The following ZNF277 variants were observed in gnomAD, a reference collection of about 807,000 sequenced individuals.
The protein encoded by ZNF277 is nuclear receptor-interacting factor 4.
Under a neutral mutation model 60.7 loss-of-function variants are expected in ZNF277, and 55 were observed. The observed-to-expected ratio is 0.91, with a 90% CI of 0.73 to 1.13. The LOEUF is 1.13. Ranked by LOEUF, ZNF277 falls within the 50% of genes most tolerant of loss-of-function variation. The pLI is 0.00. For synonymous variants in ZNF277, 178 were observed against 179.3 expected (o/e 0.99, Z 0.06); for missense variants, 510 against 523.0 (o/e 0.98, Z 0.24).
intron 7 of ZNF277, chr7:112,330,434 T>C: frequency 1.8e-6 from 1 of 547,954 alleles, no homozygotes. Flanking sequence ...AAATGTCATG[T>C]CTCTAGAACT....
At chr7:112,240,786 G>A (rs1375130445) in intron 1 of ZNF277, among the ~76,000 whole-genome samples, 11 of 152,054 alleles carry the variant, frequency 7.2e-5, no homozygotes, top group Non-Finnish European at 1.5e-4. Flanking sequence ...ATGATTCTGG[G>A]AAAACGATAT....
chr7:112,306,209 G>C lies in ZNF277; in HGVS notation c.465+9898G>C, dbSNP rs956542081. On this transcript the variant is annotated intron_variant, in intron 4 of 11. Coordinates refer to ENST00000361822, the MANE Select transcript of ZNF277 (RefSeq NM_021994.3). The stretch of plus-strand genomic sequence containing the variant: ...TTTCTCTCCTCTGAGATTTCTGAAT[G>C]TTCTTTTTTTTTTTTTTTTTTTTGA... 1.7e-3 allele frequency among the ~76,000 whole-genome samples: 228 copies of C among 132,886 alleles called. 2 individuals are homozygous for C. Among genetic ancestry groups the C allele is most frequent in the Non-Finnish European group, 2.9e-3 (182 of 63,224 alleles). The allele number at this position is 132,886 out of a possible 152,430, so 87.2% of individuals were successfully genotyped here. A position where few individuals can be genotyped will look rare whatever the true frequency, so the allele number is the denominator to read the frequency against.
intron 1 of ZNF277, among the ~76,000 whole-genome samples, chr7:112,248,607 C>T (rs985621181): frequency 1.3e-5 from 2 of 151,584 alleles, no homozygotes; most frequent in African/African-American, 4.8e-5. Flanking sequence ...AAGAGATAAT[C>T]ACTGTTAATC....
At chr7:112,211,180 G>T (rs1282437952) in intron 1 of ZNF277, among the ~76,000 whole-genome samples, 3 of 152,178 alleles carry the variant, frequency 2.0e-5, no homozygotes, top group African/African-American at 7.2e-5. Context: ...AAGAAAGAGG[G>T]AAGGGTAGCA....
chr7:112,265,509 A>G (rs1460884180), intron 1 of ZNF277, among the ~76,000 whole-genome samples: 2 of 152,214 alleles, frequency 1.3e-5, no homozygotes, highest in Non-Finnish European at 2.9e-5. Context: ...ATATAATAAT[A>G]CGAAAAACTT....
Position 112,337,821 on chromosome 7 carries a change from A to G in ZNF277, c.961A>G (p.Met321Val), listed in dbSNP as rs769111437. 1 of 1,610,026 alleles carries G rather than the reference A, an allele frequency of 6.2e-7. No individual in the cohort carries two copies. Among genetic ancestry groups the G allele is most frequent in the Non-Finnish European group, 8.5e-7 (1 of 1,178,520 alleles). The change falls in exon 9 of 12, where the codon ATG becomes GTG. Residue 321 changes from methionine (M) to valine (V), a missense_variant. Coordinates refer to ENST00000361822, the MANE Select transcript of ZNF277 (RefSeq NM_021994.3). ...AACAATTGAGAAGTTGTATGTCCAC[A>G]TGGAGGTAAGATACCTGTATTTATT... ...AETIEKLYVHMEDAHEFDLLK... is the reference protein window; with the variant it reads ...AETIEKLYVHVEDAHEFDLLK...
chr7:112,315,342 C>G (rs1388674609), intron 4 of ZNF277, among the ~76,000 whole-genome samples: 1 of 151,948 alleles, frequency 6.6e-6, no homozygotes, highest in Admixed American at 6.6e-5. Context: ...AACGGAAGGT[C>G]TAAACAGAGG....
In ZNF277 at chr7:112,254,928, G is replaced by A. The variant is rs187117699; in HGVS notation, c.92-31945G>A. Among the ~76,000 whole-genome samples, 48 of 152,218 alleles carry A rather than the reference G, an allele frequency of 3.2e-4. No individual in the cohort carries two copies. In the South Asian group the frequency reaches 5.0e-3, roughly 16 times the overall value. On this transcript the variant is annotated intron_variant, in intron 1 of 11. Transcript: ENST00000361822. ...TTCAAGGCTTCAGTGAGCTGAGATC[G>A]CGCCACTGTACTCCAGCCTGGGTGA...
At chr7:112,301,314 T>G (rs547335342) in intron 4 of ZNF277, among the ~76,000 whole-genome samples, 1 of 152,130 alleles carries the variant, frequency 6.6e-6, no homozygotes, top group Non-Finnish European at 1.5e-5. Flanking sequence ...TATTCTCTTC[T>G]TCAAAAACCT....
chr7:112,268,608 T>G (rs1209038412), intron 1 of ZNF277, among the ~76,000 whole-genome samples: 3 of 142,860 alleles, frequency 2.1e-5, no homozygotes, highest in Admixed American at 1.3e-4. Flanking sequence ...AGTGTATAGA[T>G]TATTGTTCCT....
At position 112,322,512 on chromosome 7, in the gene ZNF277, T is replaced by TA. The variant is rs1343077178; in HGVS notation, c.557+4247dup. The stretch of plus-strand genomic sequence containing the variant: ...CCAAAATTTCTATTGGTTGTCTTTT[T>TA]AAAAAAAATACTTTCTGGCTACTAT... On this transcript the variant is annotated intron_variant, in intron 5 of 11. Coordinates refer to ENST00000361822, the MANE Select transcript of ZNF277 (RefSeq NM_021994.3). 9.9e-5 allele frequency among the ~76,000 whole-genome samples: 15 copies of TA among 152,072 alleles called. No homozygotes were observed. The East Asian group carries it at 2.3e-3, about 24-fold the overall frequency.
At chr7:112,208,808 G>A (rs1821655305) in intron 1 of ZNF277, among the ~76,000 whole-genome samples, 1 of 149,466 alleles carries the variant, frequency 6.7e-6, no homozygotes, top group South Asian at 2.1e-4. Flanking sequence ...AGCCTCCCGA[G>A]TAACTGGGAC....
chr7:112,266,506 T>G (rs1405244839), intron 1 of ZNF277, among the ~76,000 whole-genome samples: 1 of 152,144 alleles, frequency 6.6e-6, no homozygotes, highest in Non-Finnish European at 1.5e-5. Flanking sequence ...TTACTAACAT[T>G]GGTCCAGGGT....
chr7:112,261,063 C>T (rs1432801801), intron 1 of ZNF277, among the ~76,000 whole-genome samples: 1 of 152,222 alleles, frequency 6.6e-6, no homozygotes, highest in Non-Finnish European at 1.5e-5. Flanking sequence ...TTCAGTGGTT[C>T]TGTTTATGGG....
chr7:112,291,248 C>T (rs1218793437), intron 2 of ZNF277, among the ~76,000 whole-genome samples: 1 of 152,092 alleles, frequency 6.6e-6, no homozygotes, highest in Non-Finnish European at 1.5e-5. Flanking sequence ...CACACATTCA[C>T]TGCTACTTAA....
At chr7:112,277,600 A>G (rs531053807) in intron 1 of ZNF277, among the ~76,000 whole-genome samples, 2 of 152,320 alleles carry the variant, frequency 1.3e-5, no homozygotes, top group African/African-American at 4.8e-5. Context: ...AATTAAAACT[A>G]AATTAAAATT....
intron 5 of ZNF277, among the ~76,000 whole-genome samples, chr7:112,326,302 T>G (rs1180998265): frequency 6.6e-6 from 1 of 152,108 alleles, no homozygotes; most frequent in Non-Finnish European, 1.5e-5. Context: ...CCAGAGGCAC[T>G]GTACTTTACC....
chr7:112,206,802 A>G lies in ZNF277; in HGVS notation c.86A>G (p.Tyr29Cys), dbSNP rs1821492208. The change falls in exon 1 of 12, where the codon TAT (tyrosine) becomes TGT (cysteine). Residue 29 changes from tyrosine to cysteine, a missense_variant. Coordinates refer to ENST00000361822, the MANE Select transcript of ZNF277 (RefSeq NM_021994.3). ...GSCSTVGGVG[Y>C]GDSKDCILEP... ...TGCAGCACAGTCGGGGGTGTAGGTT[A>G]TGGGGGTGAGTACGGTGCCCCGGAG... The G allele has an allele frequency of 6.2e-7, 1 of 1,612,798 alleles. No individual in the cohort carries two copies. The highest frequency in any genetic ancestry group is 1.3e-5 in the African/African-American group (1 of 74,824).
chr7:112,280,730 A>G (rs947475746), intron 1 of ZNF277, among the ~76,000 whole-genome samples: 1 of 151,900 alleles, frequency 6.6e-6, no homozygotes, highest in African/African-American at 2.4e-5. Context: ...GGTTCAAGCA[A>G]TTCTCCTGCC....
Sources: gnomAD v4.1 joint callset for allele counts (sites outside exome capture counted in the v4.1 genomes callset) on GRCh38, gnomAD v4.1.1 for gene constraint, MANE v1.5 for transcripts, NCBI Gene and HGNC (gene_info 2026-07-23, HGNC 2026-07-21) for gene names.